Variants in ANO1 observed in about 807,000 individuals in gnomAD.
ANO1 encodes anoctamin 1.
Under a neutral mutation model 124.0 loss-of-function variants are expected in ANO1, and 59 were observed. The observed-to-expected ratio is 0.48, with a 90% confidence interval of 0.39 to 0.59. The LOEUF (loss-of-function observed/expected upper bound fraction) is 0.59. Among genes scored for constraint, ANO1 ranks in the 20% least tolerant of loss-of-function variants. The pLI, the probability that ANO1 is intolerant of heterozygous loss-of-function variation, is 0.00. For missense variants in ANO1, 1,059 were observed against 1,328.0 expected (o/e 0.80, Z 3.15); for synonymous variants, 529 against 532.0 (o/e 0.99, Z 0.08).
At chr11:70,006,379 G>A (rs1292480182) in intron 1 of ANO1, among the ~76,000 whole-genome samples, 1 of 151,920 alleles carries the variant, frequency 6.6e-6, no homozygotes. Context: ...CCCCAGCCCT[G>A]TAAGCAAATT....
intron 16 of ANO1, among the ~76,000 whole-genome samples, chr11:70,160,643 C>T (rs1235839118): frequency 1.3e-5 from 2 of 152,198 alleles, no homozygotes; most frequent in Non-Finnish European, 2.9e-5. Flanking sequence ...AGGGGAGTCC[C>T]TGGGAGGTGG....
intron 1 of ANO1, among the ~76,000 whole-genome samples, chr11:70,017,798 G>A (rs1856728834): frequency 6.6e-6 from 1 of 152,046 alleles, no homozygotes. Context: ...GGAATTACAG[G>A]CATGAGCCAC....
At chr11:70,011,011 G>T (rs1412265694) in intron 1 of ANO1, among the ~76,000 whole-genome samples, 1 of 152,244 alleles carries the variant, frequency 6.6e-6, no homozygotes, top group Non-Finnish European at 1.5e-5. Flanking sequence ...CTCTGTGAAT[G>T]CAGATAGAAT....
At chr11:70,010,181 A>ATATATATATGTGTG (rs1555000866) in intron 1 of ANO1, among the ~76,000 whole-genome samples, 4 of 51,660 alleles carry the variant, frequency 7.7e-5, no homozygotes, top group African/African-American at 2.4e-4. Context: ...GTGTGTGTGT[A>ATATATATATGTGTG]TATATATATA....
At position 70,071,511 on chromosome 11, in the gene ANO1, C is replaced by T. The variant is rs1374119180; in HGVS notation, c.59-7031C>T. Among the ~76,000 whole-genome samples, 3 of 152,188 alleles carry T rather than the reference C, an allele frequency of 2.0e-5. No homozygotes were observed. The East Asian group carries it at 5.8e-4, about 29-fold the overall frequency. ...TCCTTCCCACATGTGACTTTGAGCCCTAGAAACGTGGCTTTTCTGAAATAA... is the reference window on the plus strand; with the variant it reads ...TCCTTCCCACATGTGACTTTGAGCCTTAGAAACGTGGCTTTTCTGAAATAA... On this transcript the variant is annotated intron_variant, in intron 1 of 27. Coordinates refer to the ANO1 transcript ENST00000531349.
intron 11 of ANO1, among the ~76,000 whole-genome samples, chr11:70,140,590 C>T (rs1442001060): frequency 2.6e-5 from 4 of 151,896 alleles, no homozygotes; most frequent in African/African-American, 9.7e-5. Context: ...GAAAGAATGG[C>T]TACAGAATAG....
chr11:70,048,125 A>T (rs1277625911), intron 1 of ANO1, among the ~76,000 whole-genome samples: 1 of 152,206 alleles, frequency 6.6e-6, no homozygotes, highest in Non-Finnish European at 1.5e-5. Flanking sequence ...TTCCATTTGC[A>T]CTCAAAGTAA....
At chr11:70,052,771 T>C (rs1368150754) in intron 1 of ANO1, among the ~76,000 whole-genome samples, 1 of 151,910 alleles carries the variant, frequency 6.6e-6, no homozygotes, top group Non-Finnish European at 1.5e-5. Flanking sequence ...GCCAGGCTGG[T>C]CTCAAACTTC....
At chr11:70,177,454 GCA>G (rs1002386593) in intron 22 of ANO1, among the ~76,000 whole-genome samples, 1 of 152,112 alleles carries the variant, frequency 6.6e-6, no homozygotes, top group African/African-American at 2.4e-5. Context: ...GGAGGCCTCA[GCA>G]CAGACAGCAG....
At chr11:70,155,833 G>A (rs1033481041) in intron 14 of ANO1, 78 bp from the exon 15 acceptor site, 10 of 1,347,160 alleles carry the variant, frequency 7.4e-6, no homozygotes, top group African/African-American at 1.5e-5. Context: ...AGATGGGGAC[G>A]GTTCCCTGGG....
intron 1 of ANO1, among the ~76,000 whole-genome samples, chr11:70,007,818 A>G (rs782371524): frequency 2.0e-5 from 3 of 152,194 alleles, no homozygotes; most frequent in Non-Finnish European, 2.9e-5. Flanking sequence ...AGGAACTTCC[A>G]TGCTGTTTCC....
At chr11:70,059,222 G>A (rs1250307393) in intron 1 of ANO1, among the ~76,000 whole-genome samples, 4 of 151,778 alleles carry the variant, frequency 2.6e-5, no homozygotes, top group Admixed American at 2.0e-4. Context: ...GTGGTGGCAG[G>A]CGCCTGTAGT....
chr11:70,186,137 A>C (rs376996352), intron 25 of ANO1, among the ~76,000 whole-genome samples: 2 of 152,080 alleles, frequency 1.3e-5, no homozygotes, highest in Admixed American at 6.5e-5. Context: ...AATATCAAAA[A>C]TTAGCCGGGT....
chr11:70,186,352 G>GAGGAAGGA (rs58940209), intron 25 of ANO1, among the ~76,000 whole-genome samples: 15,559 of 126,698 alleles, frequency 0.12, 1,251 homozygotes, highest in Middle Eastern at 0.2. Context: ...GAGGGGGAGG[G>GAGGAAGGA]AGGAAGGAAG....
chr11:69,981,746 G>T (rs544055480), upstream of ANO1, among the ~76,000 whole-genome samples: 2 of 152,332 alleles, frequency 1.3e-5, no homozygotes, highest in Admixed American at 1.3e-4. Flanking sequence ...GCCTTTGTGG[G>T]CTCTCTCTAG....
intron 11 of ANO1, 80 bp downstream of exon 11, chr11:70,132,159 C>A (rs2509174): frequency 1.4e-6 from 2 of 1,462,934 alleles, no homozygotes; most frequent in Middle Eastern, 1.7e-4. Context: ...TCTGTCTTTG[C>A]GAAATCATCC....
chr11:69,984,105 AC>A (rs1295434429), upstream of ANO1, among the ~76,000 whole-genome samples: 2 of 152,186 alleles, frequency 1.3e-5, no homozygotes, highest in African/African-American at 2.4e-5. Context: ...TATTTACATA[AC>A]TGAGCAATTG....
At chr11:70,174,925 G>GAAAAGAA in intron 22 of ANO1, among the ~76,000 whole-genome samples, 1 of 90,474 alleles carries the variant, frequency 1.1e-5, no homozygotes. Flanking sequence ...AAAGAAAAAA[G>GAAAAGAA]AAAAGAAAAG....
chr11:70,124,059 G>A (rs2046393975), intron 8 of ANO1, among the ~76,000 whole-genome samples: 1 of 152,144 alleles, frequency 6.6e-6, no homozygotes, highest in South Asian at 2.1e-4. Flanking sequence ...CCTTTATAAA[G>A]AATGGTTTGG....
Sources: gnomAD v4.1 joint callset for allele counts (sites outside exome capture counted in the v4.1 genomes callset) on GRCh38, gnomAD v4.1.1 for gene constraint, MANE v1.5 for transcripts, NCBI Gene and HGNC (gene_info 2026-07-23, HGNC 2026-07-21) for gene names.